BLK: variants seen among roughly 807,000 people sequenced by gnomAD.
The protein encoded by BLK is tyrosine-protein kinase Blk.
In BLK, 64 loss-of-function variants were observed where a neutral mutation model predicts 61.8. The observed-to-expected ratio is 1.03, with a 90% confidence interval of 0.85 to 1.27. The LOEUF is 1.27. Among genes scored for constraint, BLK ranks in the 50% most tolerant of loss-of-function variants. BLK has a pLI of 0.00. For missense variants in BLK, 853 were observed against 660.5 expected (o/e 1.29, Z -3.19); for synonymous variants, 351 against 272.0 (o/e 1.29, Z -2.86).
chr8:11,547,851 T>TG (rs1256153826), intron 3 of BLK, among the ~76,000 whole-genome samples, 181 bp from the exon 4 acceptor site: 3 of 151,958 alleles, frequency 2.0e-5, no homozygotes, highest in Non-Finnish European at 4.4e-5. Context: ...GGATGGGCTC[T>TG]GGGGGGCAGC....
At chr8:11,530,490 T>C (rs541205591) in intron 1 of BLK, among the ~76,000 whole-genome samples, 1 of 152,348 alleles carries the variant, frequency 6.6e-6, no homozygotes, top group South Asian at 2.1e-4. Flanking sequence ...AAGCAGTGTC[T>C]CCAACTGTGT....
Position 11,554,894 on chromosome 8 carries a change from G to C in BLK, c.619+5G>C. 2 of 1,612,266 alleles carry C rather than the reference G, an allele frequency of 1.2e-6. No homozygotes were observed. The highest frequency in any genetic ancestry group is 8.5e-7 in the Non-Finnish European group (1 of 1,179,946). ...CCCTGGTGCAGCACTATTCTAGTAA[G>C]AGGGGGCGTGCAATGGGGGCAGGGA... On this transcript the variant is annotated splice_donor_5th_base_variant and intron_variant, in intron 7 of 12. Coordinates refer to ENST00000259089, the MANE Select transcript of BLK (RefSeq NM_001715.3).
In BLK at chr8:11,504,396, GAAAAGAAAAGAAAAGAAAAAA is replaced by G. The variant is rs1286667327; in HGVS notation, c.-2+9817_-2+9837del. 3.3e-5 allele frequency among the ~76,000 whole-genome samples: 4 copies of G among 120,688 alleles called. No individual in the cohort carries two copies. The East Asian group carries it at 8.1e-4, about 24-fold the overall frequency. The allele number at this position is 120,688 out of a possible 152,430, so 79.2% of individuals were successfully genotyped here. On this transcript the variant is annotated intron_variant, in intron 1 of 12. Transcript: ENST00000259089. ...GAAAAGAAAAGAAAAGAAAAGAAAA[GAAAAGAAAAGAAAAGAAAAAA>G]AAAAGAAAAGATCCCATTCACCTGC...
chr8:11,514,299 C>T (rs1466342098), intron 1 of BLK, among the ~76,000 whole-genome samples: 2 of 152,138 alleles, frequency 1.3e-5, no homozygotes, highest in Middle Eastern at 3.4e-3. Context: ...TCCACTGTTC[C>T]AGCAAATGTG....
chr8:11,550,170 G>C lies in BLK; in HGVS notation c.380G>C (p.Arg127Thr). The change falls in exon 6 of 13, where the codon AGA becomes ACA. Residue 127 changes from arginine to threonine, a missense_variant. Transcript: ENST00000259089. ...CTGCCGTTTTCCAGGTGGTTCTTTA[G>C]ATCACAGGGTCGGAAGGAGGCTGAG... ...ESLEMERWFF[R>T]SQGRKEAERQ... The C allele has an allele frequency of 6.2e-7, 1 of 1,613,858 alleles. No homozygotes were observed. The highest frequency in any genetic ancestry group is 1.1e-5 in the South Asian group (1 of 91,084).
At chr8:11,545,582 TA>T (rs1800596618) in intron 2 of BLK, 1 of 160,764 alleles carries the variant, frequency 6.2e-6, no homozygotes, top group African/African-American at 2.4e-5. Flanking sequence ...TGATTTTTGC[TA>T]GGAGCCCTCT....
At chr8:11,552,664 A>T (rs1421728214) in intron 6 of BLK, 2 of 152,192 alleles carry the variant, frequency 1.3e-5, no homozygotes, top group Non-Finnish European at 2.9e-5. Flanking sequence ...AGTAAATCCC[A>T]AACATCATGT....
At chr8:11,520,219 G>C (rs1485211804) in intron 1 of BLK, among the ~76,000 whole-genome samples, 2 of 152,114 alleles carry the variant, frequency 1.3e-5, no homozygotes, top group Non-Finnish European at 2.9e-5. Flanking sequence ...GCTCACAAGT[G>C]TAATCCCAGC....
At chr8:11,533,423 G>C (rs958018727) in intron 1 of BLK, among the ~76,000 whole-genome samples, 1 of 152,098 alleles carries the variant, frequency 6.6e-6, no homozygotes, top group African/African-American at 2.4e-5. Context: ...AGCTCCAAAG[G>C]ATTGAATGAT....
chr8:11,558,167 C>G (rs1801322708), intron 10 of BLK, 129 bp downstream of exon 10: 1 of 884,588 alleles, frequency 1.1e-6, no homozygotes, highest in East Asian at 2.6e-5. Context: ...GGCCACCTTC[C>G]TCTAGGCAGA....
chr8:11,523,018 G>T (rs916904885), intron 1 of BLK, among the ~76,000 whole-genome samples: 1 of 150,588 alleles, frequency 6.6e-6, no homozygotes, highest in Non-Finnish European at 1.5e-5. Flanking sequence ...ACCAAAATAT[G>T]AATATCTGTT....
intron 1 of BLK, among the ~76,000 whole-genome samples, chr8:11,520,094 T>C (rs1799381317): frequency 6.6e-6 from 1 of 152,162 alleles, no homozygotes; most frequent in Non-Finnish European, 1.5e-5. Context: ...GAGTCAAAAA[T>C]ACTTCTATAA....
intron 1 of BLK, among the ~76,000 whole-genome samples, chr8:11,495,506 T>G (rs1798331135): frequency 6.6e-6 from 1 of 152,200 alleles, no homozygotes; most frequent in African/African-American, 2.4e-5. Flanking sequence ...TAAGCTGGGC[T>G]GCTATTGTGA....
chr8:11,516,533 C>T (rs1799232749), intron 1 of BLK, among the ~76,000 whole-genome samples: 1 of 152,168 alleles, frequency 6.6e-6, no homozygotes, highest in Non-Finnish European at 1.5e-5. Flanking sequence ...TTTCTATCTT[C>T]TCCCATTTTT....
intron 1 of BLK, among the ~76,000 whole-genome samples, chr8:11,536,584 T>C (rs1288380737): frequency 6.6e-6 from 1 of 152,026 alleles, no homozygotes; most frequent in African/African-American, 2.4e-5. Flanking sequence ...ATTTTTGTAT[T>C]TGTGGTAGAG....
intron 10 of BLK, chr8:11,558,604 G>A: frequency 2.2e-6 from 1 of 454,140 alleles, no homozygotes; most frequent in Non-Finnish European, 4.4e-6. Context: ...TGCGAGTGCT[G>A]GACCTCCTTG....
At chr8:11,544,157 G>T (rs1321825444) in intron 2 of BLK, among the ~76,000 whole-genome samples, 1 of 152,134 alleles carries the variant, frequency 6.6e-6, no homozygotes. Context: ...TAGAGACAGA[G>T]TTTCACCATG....
chr8:11,522,291 G>A (rs774788445), intron 1 of BLK, among the ~76,000 whole-genome samples: 3 of 151,942 alleles, frequency 2.0e-5, no homozygotes, highest in Non-Finnish European at 4.4e-5. Context: ...TATAATCAAG[G>A]GAAACAAATT....
intron 1 of BLK, among the ~76,000 whole-genome samples, chr8:11,512,040 C>G (rs1799029910): frequency 6.6e-6 from 1 of 152,138 alleles, no homozygotes; most frequent in Non-Finnish European, 1.5e-5. Flanking sequence ...TACAATGTAT[C>G]AAGTGGTAAG....
Sources: allele counts gnomAD v4.1 joint callset (sites outside exome capture counted in the v4.1 genomes callset), GRCh38; gene constraint gnomAD v4.1.1; transcripts MANE v1.5; gene names NCBI Gene and HGNC (gene_info 2026-07-23, HGNC 2026-07-21).